Variants in VPS33B observed in about 807,000 individuals in gnomAD.
The protein encoded by VPS33B is vacuolar protein sorting-associated protein 33B.
In VPS33B, 80 loss-of-function variants were observed where a neutral mutation model predicts 95.3. The observed-to-expected ratio is 0.84, with a 90% CI of 0.70 to 1.01. The LOEUF is 1.01. VPS33B is among the 50% of genes least tolerant of loss of function. VPS33B has a pLI of 0.00. For synonymous variants in VPS33B, 280 were observed against 280.4 expected (o/e 1.00, Z 0.01); for missense variants, 715 against 773.4 (o/e 0.92, Z 0.90).
At chr15:91,004,649 A>T (rs2040545479) in intron 16 of VPS33B, among the ~76,000 whole-genome samples, 1 of 152,230 alleles carries the variant, frequency 6.6e-6, no homozygotes. Flanking sequence ...CAGTCCTAAG[A>T]TATGACAAGG....
chr15:91,004,222 T>TAA (rs57109473), intron 16 of VPS33B, among the ~76,000 whole-genome samples: 4,337 of 113,920 alleles, frequency 0.038, 89 homozygotes, highest in South Asian at 0.1. Flanking sequence ...GACTCTGTCT[T>TAA]AAAAAAAAAA....
intron 16 of VPS33B, among the ~76,000 whole-genome samples, chr15:91,003,515 C>T (rs991319196): frequency 2.0e-5 from 3 of 152,170 alleles, no homozygotes; most frequent in African/African-American, 4.8e-5. Flanking sequence ...TCTTGGCTCA[C>T]TGCAACCTCC....
rs760232034 is a variant in VPS33B at position 90,999,699 on chromosome 15, G to T, written c.1752C>A (p.Leu584=). The T allele has an allele frequency of 6.2e-7, 1 of 1,614,084 alleles. No individual in the cohort carries two copies. The highest frequency in any genetic ancestry group is 2.2e-5 in the East Asian group (1 of 44,876). Residue 584 remains leucine, a synonymous_variant, in exon 22 of 23, where the codon CTC becomes CTA. Transcript: ENST00000333371. This position sits in a 1 kb window ranked among gnomAD's most constrained non-coding sequence, Gnocchi z 5.1. The stretch of plus-strand genomic sequence containing the variant: ...TACCTTTCTCTCTGCCCAGGAACCG[G>T]AGGGCTGAGATCTCAGAGAATGTAC... ...GGCTFSEISA[L]RFLGREKGYR... is the part of the protein sequence containing the mutation.
In VPS33B at chr15:91,004,949, A is replaced by C. The variant is rs576967101; in HGVS notation, c.1171-18T>G. On this transcript the variant is annotated intron_variant, in intron 15 of 22. Transcript: ENST00000333371. ...GGCGACACCTGCATAGGAAGAAAGA[A>C]TCAAGGAGAATTGAAGCTTCACAAC... 2.0e-5 allele frequency: 33 copies of C among 1,614,230 alleles called. No homozygotes were observed. The highest frequency in any genetic ancestry group is 1.5e-4 in the Admixed American group (9 of 60,028).
chr15:91,007,677 G>A lies in VPS33B; in HGVS notation c.499-104C>T. ...TGGAGCAGGGTGGCAGGGCCTGGGG[G>A]ATGCTTGAAAGGTTTTCATTGGCTC... is the stretch of plus-strand genomic sequence containing the variant. On this transcript the variant is annotated intron_variant, in intron 7 of 22. Coordinates refer to ENST00000333371, the MANE Select transcript of VPS33B (RefSeq NM_018668.5). The surrounding 1 kb of genome is among the most constrained non-coding windows in gnomAD (Gnocchi z 5.3). The A allele has an allele frequency of 7.4e-7, 1 of 1,346,440 alleles. No individual in the cohort carries two copies. Among genetic ancestry groups the A allele is most frequent in the East Asian group, 2.3e-5 (1 of 43,374 alleles). The allele number at this position is 1,346,440 out of a possible 1,614,324, so 83.4% of individuals were successfully genotyped here. A position where few individuals can be genotyped will look rare whatever the true frequency, so the allele number is the denominator to read the frequency against.
In VPS33B at chr15:91,003,080, C is replaced by T; in HGVS notation, c.1272+5G>A. 1 of 1,614,052 alleles carries T rather than the reference C, an allele frequency of 6.2e-7. No individual in the cohort carries two copies. The highest frequency in any genetic ancestry group is 1.3e-5 in the African/African-American group (1 of 74,992). On this transcript the variant is annotated splice_donor_5th_base_variant and intron_variant, in intron 17 of 22. Transcript: ENST00000333371. Reference sequence around the variant, plus strand: ...TCCCTCAAGAATACATTCTCCAGGCCTTACCTGCAGATACTGTGTTTTCAG... The same window carrying T: ...TCCCTCAAGAATACATTCTCCAGGCTTTACCTGCAGATACTGTGTTTTCAG...
chr15:91,005,830 G>C lies in VPS33B; in HGVS notation c.940-46C>G. On this transcript the variant is annotated intron_variant, in intron 12 of 22. Transcript: ENST00000333371. This position sits in a 1 kb window ranked among gnomAD's most constrained non-coding sequence, Gnocchi z 6.4. The stretch of plus-strand genomic sequence containing the variant: ...GTGAACCCCCCAACCTCAGACACGA[G>C]AAACCACCACCCTCCCTCAGTTGCC... The C allele has an allele frequency of 1.2e-6, 2 of 1,612,836 alleles. No homozygotes were observed. The highest frequency in any genetic ancestry group is 1.7e-4 in the Middle Eastern group (1 of 6,060).
chr15:91,021,108 C>T (rs2041089358), intron 1 of VPS33B, among the ~76,000 whole-genome samples: 1 of 152,156 alleles, frequency 6.6e-6, no homozygotes, highest in Non-Finnish European at 1.5e-5. Flanking sequence ...TTATTTTTCT[C>T]ATTTCTATTC....
chr15:91,002,722 A>T lies in VPS33B; in HGVS notation c.1272+363T>A, dbSNP rs2040478892. 6.6e-6 allele frequency among the ~76,000 whole-genome samples: 1 copy of T among 152,142 alleles called. No homozygotes were observed. The highest frequency in any genetic ancestry group is 6.5e-5 in the Admixed American group (1 of 15,270). Reference sequence around the variant, plus strand: ...TGAGACTTTAGAGACCCATGGATGTATGGGAAAGGCTTCCTGGATGAAGTA... The same window carrying T: ...TGAGACTTTAGAGACCCATGGATGTTTGGGAAAGGCTTCCTGGATGAAGTA... On this transcript the variant is annotated intron_variant, in intron 17 of 22. Coordinates refer to ENST00000333371, the MANE Select transcript of VPS33B (RefSeq NM_018668.5). This position sits in a 1 kb window ranked among gnomAD's most constrained non-coding sequence, Gnocchi z 4.7.
intron 3 of VPS33B, among the ~76,000 whole-genome samples, chr15:91,016,627 G>A (rs1317517375): frequency 2.6e-5 from 4 of 151,920 alleles, no homozygotes; most frequent in African/African-American, 4.8e-5. Flanking sequence ...CAGAAGATCC[G>A]CCCGCCTCGG....
intron 19 of VPS33B, 61 bp downstream of exon 19, chr15:91,001,323 AAAAAG>A (rs1448775788): frequency 2.6e-5 from 35 of 1,331,176 alleles, no homozygotes; most frequent in South Asian, 1.7e-4. Context: ...AAAAAAAAAA[AAAAAG>A]AAAAGTACTC....
At chr15:91,017,983 G>A (rs1302547909) in intron 1 of VPS33B, 98 bp from the exon 2 acceptor site, 2 of 1,066,064 alleles carry the variant, frequency 1.9e-6, no homozygotes, top group Non-Finnish European at 2.9e-6. Flanking sequence ...CAGTCTCTGA[G>A]GTGGGAGGGC....
Position 91,022,324 on chromosome 15 carries a change from G to C in VPS33B, c.-75C>G. On this transcript the variant is annotated 5_prime_UTR_variant, in exon 1 of 23. Coordinates refer to ENST00000333371, the MANE Select transcript of VPS33B (RefSeq NM_018668.5). ...AAGGCCGGCCGCAGCCCAGGGAAGC[G>C]CAAGGGGGGCTATCCTTCAGGCCTG... The C allele has an allele frequency of 7.0e-7, 1 of 1,430,298 alleles. No homozygotes were observed. Among genetic ancestry groups the C allele is most frequent in the Admixed American group, 2.3e-5 (1 of 44,098 alleles). The allele number at this position is 1,430,298 out of a possible 1,614,324, so 88.6% of individuals were successfully genotyped here. A position where few individuals can be genotyped will look rare whatever the true frequency, so the allele number is the denominator to read the frequency against.
At chr15:91,020,730 C>T (rs538463409) in intron 1 of VPS33B, among the ~76,000 whole-genome samples, 1 of 152,112 alleles carries the variant, frequency 6.6e-6, no homozygotes, top group South Asian at 2.1e-4. Flanking sequence ...AAAATACAAA[C>T]ATTAGCCAGG....
chr15:91,014,444 G>T lies in VPS33B; in HGVS notation c.240-11C>A. The T allele has an allele frequency of 1.2e-6, 2 of 1,608,890 alleles. No individual in the cohort carries two copies. The highest frequency in any genetic ancestry group is 1.7e-6 in the Non-Finnish European group (2 of 1,177,772). Reference sequence around the variant, plus strand: ...ACCAAGAAGCACAATCTATGAGAGAGAAAGAAAAAAAAACAGTGAAGAAGA... The same window carrying T: ...ACCAAGAAGCACAATCTATGAGAGATAAAGAAAAAAAAACAGTGAAGAAGA... On this transcript the variant is annotated splice_polypyrimidine_tract_variant and intron_variant, in intron 3 of 22. Transcript: ENST00000333371.
Position 91,011,331 on chromosome 15 carries a change from C to T in VPS33B, c.358-1485G>A, listed in dbSNP as rs570660190. On this transcript the variant is annotated intron_variant, in intron 5 of 22. Transcript: ENST00000333371. This position sits in a 1 kb window ranked among gnomAD's most constrained non-coding sequence, Gnocchi z 5.5. ...TACAGGAATCACTTGTCTTCATCTT[C>T]ATACTAGCTCTGTGAGATGTAGATC... 6.6e-6 allele frequency among the ~76,000 whole-genome samples: 1 copy of T among 152,238 alleles called. No homozygotes were observed. Among genetic ancestry groups the T allele is most frequent in the Admixed American group, 6.5e-5 (1 of 15,284 alleles).
intron 2 of VPS33B, among the ~76,000 whole-genome samples, chr15:91,017,389 T>A (rs1425276315): frequency 0.34 from 17,704 of 52,686 alleles, 5,322 homozygotes; most frequent in East Asian, 0.98. Context: ...TATATATATA[T>A]ATATATATAT....
At position 91,005,562 on chromosome 15, in the gene VPS33B, T is replaced by C. The variant is rs535526107; in HGVS notation, c.1031-108A>G. On this transcript the variant is annotated intron_variant, in intron 13 of 22. Transcript: ENST00000333371. The surrounding 1 kb of genome is among the most constrained non-coding windows in gnomAD (Gnocchi z 6.4). ...TAAGGCAAAATCCGAAAGCACTTCT[T>C]CCCACTTTACACCAAGTAAGACCAT... 6.3e-7 allele frequency: 1 copy of C among 1,586,524 alleles called. No individual in the cohort carries two copies. Among genetic ancestry groups the C allele is most frequent in the South Asian group, 1.1e-5 (1 of 90,454 alleles).
Position 91,005,669 on chromosome 15 carries a change from TCA to T in VPS33B, c.1030+23_1030+24del. On this transcript the variant is annotated intron_variant, in intron 13 of 22. Coordinates refer to ENST00000333371, the MANE Select transcript of VPS33B (RefSeq NM_018668.5). This position sits in a 1 kb window ranked among gnomAD's most constrained non-coding sequence, Gnocchi z 6.4. Reference sequence around the variant, plus strand: ...CCCAGAGGGACACAGTCACTTCCCCTCACGCCCCTCAAGCTGAAACCTACGGA... The same window carrying T: ...CCCAGAGGGACACAGTCACTTCCCCTCGCCCCTCAAGCTGAAACCTACGGA... The T allele has an allele frequency of 6.2e-7, 1 of 1,613,840 alleles. No homozygotes were observed. The highest frequency in any genetic ancestry group is 1.1e-5 in the South Asian group (1 of 91,076).
Sources: allele counts gnomAD v4.1 joint callset (sites outside exome capture counted in the v4.1 genomes callset), GRCh38; gene constraint gnomAD v4.1.1; non-coding constraint Gnocchi (gnomAD v3.1); transcripts MANE v1.5; gene names NCBI Gene and HGNC (gene_info 2026-07-23, HGNC 2026-07-21).